Variants in DOCK10 observed in about 807,000 individuals in gnomAD.
DOCK10 encodes the protein dedicator of cytokinesis 10.
DOCK10 carries 145 observed loss-of-function variants against 280.1 expected under a neutral mutation model. The observed-to-expected ratio is 0.52, with a 90% CI of 0.45 to 0.59. The LOEUF (loss-of-function observed/expected upper bound fraction) is 0.59, where lower values mean the gene tolerates loss of function less well. Among genes scored for constraint, DOCK10 ranks in the 20% least tolerant of loss-of-function variants. The pLI, the probability that DOCK10 is intolerant of heterozygous loss-of-function variation, is 0.00. For missense variants in DOCK10, 2,368 were observed against 2,651.7 expected, an observed-to-expected ratio of 0.89 and a Z score of 2.35; for synonymous variants, 915 against 942.2, an observed-to-expected ratio of 0.97 and a Z score of 0.53.
At chr2:224,925,372 T>C (rs980409511) in intron 2 of DOCK10, among the ~76,000 whole-genome samples, 2 of 152,196 alleles carry the variant, frequency 1.3e-5, no homozygotes, top group African/African-American at 4.8e-5. Flanking sequence ...TATCCACTAT[T>C]CTGAGTTTTA....
chr2:224,869,856 A>C (rs1424337367), intron 11 of DOCK10, among the ~76,000 whole-genome samples: 1 of 152,222 alleles, frequency 6.6e-6, no homozygotes, highest in Non-Finnish European at 1.5e-5. Context: ...CTGGCAGTAG[A>C]AAGAAAAGCC....
At chr2:224,985,630 G>A (rs1352091697) in intron 1 of DOCK10, among the ~76,000 whole-genome samples, 6 of 142,082 alleles carry the variant, frequency 4.2e-5, no homozygotes, top group Admixed American at 7.0e-5. Context: ...GGTTAAGGAG[G>A]AAAAAAAAAA....
chr2:224,765,792 A>G lies in DOCK10; in HGVS notation c.6490T>C (p.Cys2164Arg), dbSNP rs1202738729. Residue 2164 changes from cysteine (C) to arginine (R), a missense_variant, in exon 56 of 56, where the codon TGC (cysteine) becomes CGC (arginine). Cys to Arg is a radical substitution (Grantham distance 180). This residue lies in a region of DOCK10 where 1,159 missense variants were observed against 1,400.8 expected (regional missense o/e 0.83). Transcript: ENST00000258390. ...DLSKRGVDQT[C>R]TRVISKATPA... is the part of the protein sequence containing the mutation. ...GTTGCTTTGCTAATTACTCGAGTGC[A>G]GGTTTGGTCCACTCCGCGCTTTGAC... 5 of 1,613,912 alleles carry G rather than the reference A, an allele frequency of 3.1e-6. No homozygotes were observed. The highest frequency in any genetic ancestry group is 4.2e-6 in the Non-Finnish European group (5 of 1,179,874).
intron 48 of DOCK10, among the ~76,000 whole-genome samples, chr2:224,788,623 CA>C (rs1194062806): frequency 6.6e-6 from 1 of 152,066 alleles, no homozygotes; most frequent in African/African-American, 2.4e-5. Flanking sequence ...AAGTAATTCT[CA>C]GTAGAAAGTT....
At chr2:224,849,693 A>G in intron 18 of DOCK10, 94 bp from the exon 19 acceptor site, 1 of 798,694 alleles carries the variant, frequency 1.3e-6, no homozygotes, top group Middle Eastern at 3.6e-4. Context: ...CAACCCTGGG[A>G]CAATGGCAAA....
At chr2:224,831,045 C>T (rs1286459128) in intron 26 of DOCK10, among the ~76,000 whole-genome samples, 2 of 152,066 alleles carry the variant, frequency 1.3e-5, no homozygotes, top group African/African-American at 4.8e-5. Context: ...GTGATTCTCC[C>T]ACCTCAGTCT....
chr2:224,953,469 C>T (rs1703874136), intron 1 of DOCK10, among the ~76,000 whole-genome samples: 1 of 152,190 alleles, frequency 6.6e-6, no homozygotes, highest in Non-Finnish European at 1.5e-5. Flanking sequence ...CTACTTCCTC[C>T]TTCACTGTGG....
intron 14 of DOCK10, chr2:224,862,438 G>A (rs1367370001): frequency 7.0e-6 from 3 of 430,086 alleles, no homozygotes; most frequent in Non-Finnish European, 1.3e-5. Flanking sequence ...GGTCATGCAT[G>A]CAGGGTACAT....
intron 1 of DOCK10, among the ~76,000 whole-genome samples, chr2:225,016,619 GTGCACATAGATACATA>G (rs1559962867): frequency 1.7e-4 from 15 of 89,840 alleles, no homozygotes; most frequent in African/African-American, 5.0e-4. Flanking sequence ...ATATATCTAT[GTGCACATAGATACATA>G]TATCTATGTG....
chr2:225,009,090 T>A (rs1474908009), intron 1 of DOCK10, among the ~76,000 whole-genome samples: 1 of 152,166 alleles, frequency 6.6e-6, no homozygotes, highest in Non-Finnish European at 1.5e-5. Context: ...CAGCCAACAT[T>A]GGAAAGACCA....
Position 225,042,266 on chromosome 2 carries a change from G to C in DOCK10, c.109C>G (p.Arg37Gly). Residue 37 changes from arginine (R) to glycine (G), a missense_variant, in exon 1 of 56, where the codon CGG becomes GGG. By Grantham distance (125) the Arg-to-Gly change is moderately radical. Transcript: ENST00000258390. The surrounding 1 kb of genome is among the most constrained non-coding windows in gnomAD (Gnocchi z 5.1). ...ASAAAVAVSSRQQQRQEKPRL... is the reference protein window; with the variant it reads ...ASAAAVAVSSGQQQRQEKPRL... ...GCCGCACTCACCCGCTGCTGCTGCCGGCTGCTGACTGCCACCGCGGCGGCG... is the reference window on the plus strand; with the variant it reads ...GCCGCACTCACCCGCTGCTGCTGCCCGCTGCTGACTGCCACCGCGGCGGCG... The C allele has an allele frequency of 7.6e-7, 1 of 1,320,532 alleles. No homozygotes were observed. The highest frequency in any genetic ancestry group is 9.7e-7 in the Non-Finnish European group (1 of 1,035,908). 81.8% of individuals were successfully genotyped at this position (1,320,532 alleles called of 1,614,324 possible).
In DOCK10 at chr2:224,957,231, G is replaced by A. The variant is rs867884124; in HGVS notation, c.124-25563C>T. Among the ~76,000 whole-genome samples, 21 of 149,772 alleles carry A rather than the reference G, an allele frequency of 1.4e-4. No individual in the cohort carries two copies. In the Middle Eastern group the frequency reaches 0.01, roughly 73 times the overall value. Reference sequence around the variant, plus strand: ...CCAAAACTTCTTGGGGGAGGGCAGGGAAAAATCTCTCCCCAACCCTAGGTC... The same window carrying A: ...CCAAAACTTCTTGGGGGAGGGCAGGAAAAAATCTCTCCCCAACCCTAGGTC... On this transcript the variant is annotated intron_variant, in intron 1 of 55. Coordinates refer to ENST00000258390, the MANE Select transcript of DOCK10 (RefSeq NM_014689.3).
intron 1 of DOCK10, among the ~76,000 whole-genome samples, chr2:225,007,740 C>T (rs1230323024): frequency 1.3e-5 from 2 of 152,054 alleles, no homozygotes; most frequent in Non-Finnish European, 2.9e-5. Flanking sequence ...TACAGACAAG[C>T]AGGACCGATT....
chr2:224,905,232 C>CTTT (rs1700531885), intron 3 of DOCK10, among the ~76,000 whole-genome samples: 3 of 140,846 alleles, frequency 2.1e-5, no homozygotes, highest in African/African-American at 8.3e-5. Context: ...GCCTATGGAA[C>CTTT]TATTTTTTTT....
In DOCK10 at chr2:224,916,759, C is replaced by T. The variant is rs116640579; in HGVS notation, c.269G>A (p.Arg90His). The change falls in exon 3 of 56, where the codon CGC (arginine) becomes CAC (histidine). Residue 90 changes from arginine (R) to histidine (H), a missense_variant. By Grantham distance (29) the Arg-to-His change is conservative. Around this residue, in one of 2 missense-constraint regions of DOCK10, gnomAD observed 1,209 missense variants for 1,250.9 expected, o/e 0.97. Coordinates refer to ENST00000258390, the MANE Select transcript of DOCK10 (RefSeq NM_014689.3). ...TTCAGGTACTGTTGAGTACAACGTGCGGATATCCCAGGAAACTGTGGCTGC... is the reference window on the plus strand; with the variant it reads ...TTCAGGTACTGTTGAGTACAACGTGTGGATATCCCAGGAAACTGTGGCTGC... ...FSAATVSWDI[R>H]TLYSTVPEDA... 1,374 of 1,610,454 alleles carry T rather than the reference C, an allele frequency of 8.5e-4. 6 individuals are homozygous for T. In the African/African-American group the frequency reaches 0.013, roughly 15 times the overall value.
intron 1 of DOCK10, among the ~76,000 whole-genome samples, chr2:225,023,747 A>G (rs1689844710): frequency 6.6e-6 from 1 of 152,230 alleles, no homozygotes; most frequent in Non-Finnish European, 1.5e-5. Flanking sequence ...TGATAACAGC[A>G]AAAACCAAAA....
At chr2:225,014,269 G>GT (rs896512547) in intron 1 of DOCK10, among the ~76,000 whole-genome samples, 61 of 151,460 alleles carry the variant, frequency 4.0e-4, no homozygotes, top group African/African-American at 1.3e-3. Flanking sequence ...AAACTAAAAG[G>GT]TTTTTTATAT....
intron 44 of DOCK10, among the ~76,000 whole-genome samples, chr2:224,796,029 CA>C (rs34047851): frequency 0.31 from 47,620 of 151,306 alleles, 8,560 homozygotes; most frequent in East Asian, 0.78. Flanking sequence ...CTCAAAGTCT[CA>C]ATAAACAAAA....
At chr2:224,893,469 TCACA>T (rs1451620988) in intron 4 of DOCK10, 1 of 191,546 alleles carries the variant, frequency 5.2e-6, no homozygotes, top group African/African-American at 2.4e-5. Flanking sequence ...TTTTAATATG[TCACA>T]CATCTCTGTA....
Sources: gnomAD v4.1 joint callset for allele counts (sites outside exome capture counted in the v4.1 genomes callset) on GRCh38, gnomAD v4.1.1 for gene constraint, gnomAD v4.1.1 regional missense constraint, Gnocchi (gnomAD v3.1) non-coding constraint, MANE v1.5 for transcripts, NCBI Gene and HGNC (gene_info 2026-07-23, HGNC 2026-07-21) for gene names.